Variants in KLF12 observed in about 807,000 individuals in gnomAD.
KLF12 encodes the protein Krueppel-like factor 12.
KLF12 carries 9 observed loss-of-function variants against 37.8 expected under a neutral mutation model. The ratio of observed to expected loss-of-function variants is 0.24; its 90% CI spans 0.14 to 0.42. The LOEUF (loss-of-function observed/expected upper bound fraction) is 0.42, where lower values mean the gene tolerates loss of function less well. Among genes scored for constraint, KLF12 ranks in the 10% least tolerant of loss-of-function variants. The pLI is 1.00. For missense variants in KLF12, 411 were observed against 516.0 expected, an observed-to-expected ratio of 0.80 and a Z score of 1.97; for synonymous variants, 208 against 202.1, an observed-to-expected ratio of 1.03 and a Z score of -0.25.
chr13:74,181,361 G>GA, the KLF12 span, among the ~76,000 whole-genome samples: 2,585 of 130,672 alleles, frequency 0.02, 79 homozygotes, highest in African/African-American at 0.062. Context: ...TGACAAAAGT[G>GA]AAAAAAAAAA....
intron 1 of KLF12, among the ~76,000 whole-genome samples, chr13:74,070,105 G>A (rs1593874085): frequency 6.6e-6 from 1 of 152,308 alleles, no homozygotes; most frequent in South Asian, 2.1e-4. Flanking sequence ...GAGAAACGAG[G>A]AAGACAGATG....
rs375412254 is a variant in KLF12, at chr13:74,034,520, G to A, written c.-31-39467C>T. 1.6e-4 allele frequency among the ~76,000 whole-genome samples: 25 copies of A among 152,104 alleles called. No individual in the cohort carries two copies. The East Asian group carries it at 2.9e-3, about 18-fold the overall frequency. ...AATGGTTTTTACCACTTTATAGTTC[G>A]CCATTTAAACTGACAAAACTTTTAT... On this transcript the variant is annotated intron_variant, in intron 1 of 7. Coordinates refer to ENST00000377669, the MANE Select transcript of KLF12 (RefSeq NM_007249.5).
chr13:73,757,821 A>G (rs191374131), intron 6 of KLF12, among the ~76,000 whole-genome samples: 1 of 152,296 alleles, frequency 6.6e-6, no homozygotes, highest in East Asian at 1.9e-4. Flanking sequence ...GCCCAAATAT[A>G]TCCACTGAAA....
At chr13:73,856,633 T>C (rs1391687387) in intron 3 of KLF12, among the ~76,000 whole-genome samples, 1 of 151,780 alleles carries the variant, frequency 6.6e-6, no homozygotes, top group Non-Finnish European at 1.5e-5. Flanking sequence ...CCCTAACTAC[T>C]CAACTTTAAA....
At chr13:73,721,130 T>A (rs924131201) in intron 6 of KLF12, among the ~76,000 whole-genome samples, 2 of 152,200 alleles carry the variant, frequency 1.3e-5, no homozygotes, top group African/African-American at 4.8e-5. Flanking sequence ...AGATTGACAC[T>A]ACTATCCCTG....
rs1892431839 is a variant in KLF12, at chr13:74,007,254, AGAAAT to A, written c.-31-12206_-31-12202del. ...TTACCCACTGAAATCAGAAAAAGAC[AGAAAT>A]CAGAAAAAGACAAGGATATTTTTAT... On this transcript the variant is annotated intron_variant, in intron 1 of 7. Transcript: ENST00000377669. 9.0e-4 allele frequency among the ~76,000 whole-genome samples: 18 copies of A among 19,908 alleles called. 1 individual carries two copies. In the South Asian group the frequency reaches 0.043, roughly 48 times the overall value. The allele number at this position is 19,908 out of a possible 152,430, so 13.1% of individuals were successfully genotyped here. A position where few individuals can be genotyped will look rare whatever the true frequency, so the allele number is the denominator to read the frequency against.
intron 4 of KLF12, among the ~76,000 whole-genome samples, chr13:73,830,316 C>A (rs1442161268): frequency 2.0e-5 from 3 of 152,096 alleles, no homozygotes; most frequent in Non-Finnish European, 2.9e-5. Context: ...GGACAGCAGG[C>A]AAGATCTTTC....
intron 1 of KLF12, among the ~76,000 whole-genome samples, chr13:74,085,671 G>A (rs1689434390): frequency 6.6e-6 from 1 of 152,162 alleles, no homozygotes; most frequent in Non-Finnish European, 1.5e-5. Context: ...TAGCCAGCGG[G>A]TTTCTAACTT....
At chr13:74,220,139 A>T in the KLF12 span, among the ~76,000 whole-genome samples, 1 of 151,976 alleles carries the variant, frequency 6.6e-6, no homozygotes, top group Admixed American at 6.6e-5. Flanking sequence ...AATCTCTTTT[A>T]GTGAAACTTA....
In KLF12 at chr13:74,061,480, A is replaced by C. The variant is rs544780559; in HGVS notation, c.-31-66427T>G. Among the ~76,000 whole-genome samples, 12 of 152,310 alleles carry C rather than the reference A, an allele frequency of 7.9e-5. No homozygotes were observed. In the East Asian group the frequency reaches 2.3e-3, roughly 29 times the overall value. ...TCTAAAGTGGCACGCCAGTTATTGC[A>C]CACAGTGACTTTCAATTAGACTCAT... On this transcript the variant is annotated intron_variant, in intron 1 of 7. Coordinates refer to ENST00000377669, the MANE Select transcript of KLF12 (RefSeq NM_007249.5).
chr13:74,028,709 T>C (rs559806030), intron 1 of KLF12, among the ~76,000 whole-genome samples: 1 of 152,150 alleles, frequency 6.6e-6, no homozygotes, highest in South Asian at 2.1e-4. Flanking sequence ...TTTTAAAATG[T>C]TTACATTAGT....
chr13:73,869,894 G>A (rs945271706), intron 3 of KLF12, among the ~76,000 whole-genome samples: 37 of 152,104 alleles, frequency 2.4e-4, no homozygotes, highest in African/African-American at 8.2e-4. Context: ...TGGCTAACTT[G>A]TCCTTGTAGT....
At chr13:73,990,462 G>A (rs1891937288) in intron 2 of KLF12, among the ~76,000 whole-genome samples, 1 of 152,146 alleles carries the variant, frequency 6.6e-6, no homozygotes, top group Non-Finnish European at 1.5e-5. Flanking sequence ...CCAGATGACA[G>A]GGAAGCCATG....
At chr13:73,713,428 T>C (rs151012282) in intron 7 of KLF12, among the ~76,000 whole-genome samples, 1 of 152,298 alleles carries the variant, frequency 6.6e-6, no homozygotes, top group Non-Finnish European at 1.5e-5. Flanking sequence ...GCTACAACCA[T>C]CTGGTTGTTA....
chr13:73,704,749 C>T (rs1874812663), intron 7 of KLF12, among the ~76,000 whole-genome samples: 1 of 152,184 alleles, frequency 6.6e-6, no homozygotes, highest in African/African-American at 2.4e-5. Context: ...GAAGGTTTTC[C>T]TCTCTGTCCG....
chr13:73,710,222 A>G (rs758015963), intron 7 of KLF12, among the ~76,000 whole-genome samples: 1 of 152,214 alleles, frequency 6.6e-6, no homozygotes, highest in Non-Finnish European at 1.5e-5. Context: ...GAAATCTATT[A>G]TAGGTACAAG....
rs1231200767 is a variant in KLF12 at position 73,689,864 on chromosome 13, T to C, written c.*5626A>G. The C allele has an allele frequency of 6.6e-6, 1 of 152,216 alleles. No individual in the cohort carries two copies. The highest frequency in any genetic ancestry group is 1.5e-5 in the Non-Finnish European group (1 of 68,034). 9.4% of individuals were successfully genotyped at this position (152,216 alleles called of 1,614,324 possible). A position where few individuals can be genotyped will look rare whatever the true frequency, so the allele number is the denominator to read the frequency against. On this transcript the variant is annotated 3_prime_UTR_variant, in exon 8 of 8. Transcript: ENST00000377669. ...GGTGTTTTTAACTGAGCAAAACTTT[T>C]TGAATCATACATACTGTTTCATAAG...
chr13:74,134,643 G>A (rs1047828139), upstream of KLF12, among the ~76,000 whole-genome samples: 21 of 152,084 alleles, frequency 1.4e-4, no homozygotes, highest in African/African-American at 5.1e-4. Flanking sequence ...CATGGCCCTG[G>A]GAGCTCGGGG....
chr13:73,864,020 T>C (rs563169257), intron 3 of KLF12, among the ~76,000 whole-genome samples: 19 of 152,150 alleles, frequency 1.2e-4, no homozygotes, highest in South Asian at 2.1e-4. Context: ...ATGGATTAAA[T>C]AGAATGATAC....
Sources: gnomAD v4.1 joint callset for allele counts (sites outside exome capture counted in the v4.1 genomes callset) on GRCh38, gnomAD v4.1.1 for gene constraint, MANE v1.5 for transcripts, NCBI Gene and HGNC (gene_info 2026-07-23, HGNC 2026-07-21) for gene names.